The following PRODH2 variants were observed in gnomAD, a reference collection of about 807,000 sequenced individuals.
PRODH2 encodes hydroxyproline dehydrogenase.
A neutral mutation model predicts 51.9 loss-of-function variants in PRODH2; 49 were observed. That is an observed-to-expected ratio of 0.94 (90% CI 0.75 to 1.20). PRODH2 has a LOEUF of 1.20. Ranked by LOEUF, PRODH2 falls within the 50% of genes most tolerant of loss-of-function variation. PRODH2 has a pLI of 0.00. For missense variants in PRODH2, 597 were observed against 610.9 expected, an observed-to-expected ratio of 0.98 and a Z score of 0.24; for synonymous variants, 249 against 260.7, an observed-to-expected ratio of 0.96 and a Z score of 0.43.
chr19:35,812,796 T>C lies in PRODH2; in HGVS notation c.10A>G (p.Thr4Ala), dbSNP rs1055934391. The C allele has an allele frequency of 6.3e-7, 1 of 1,591,510 alleles. No homozygotes were observed. MLR[T>A]CYVLCSQAGP... ...GCTTGGGAACAGAGCACGTAACAGG[T>C]CCGGAGCATCCTGGGTCCCTGGCTG... Residue 4 changes from threonine (T) to alanine (A), a missense_variant, in exon 1 of 10, where the codon ACC becomes GCC. Coordinates refer to ENST00000653904, the MANE Select transcript of PRODH2 (RefSeq NM_021232.2).
Position 35,800,223 on chromosome 19 carries a change from C to A in PRODH2, c.1199-1G>T. On this transcript the variant is annotated splice_acceptor_variant, in intron 9 of 9. Transcript: ENST00000653904. LOFTEE classifies it high-confidence loss of function. ...TTATACACTACATAGCCGGCCTGCC[C>A]TGCAGGGAGAGTGGGTTTTGTTTTT... is the stretch of plus-strand genomic sequence containing the variant. The A allele has an allele frequency of 6.4e-7, 1 of 1,553,798 alleles. No homozygotes were observed. The highest frequency in any genetic ancestry group is 8.7e-7 in the Non-Finnish European group (1 of 1,148,566).
intron 9 of PRODH2, among the ~76,000 whole-genome samples, chr19:35,801,021 G>A (rs1356721085): frequency 6.6e-6 from 1 of 152,134 alleles, no homozygotes; most frequent in African/African-American, 2.4e-5. Flanking sequence ...ACAAAAATTG[G>A]CTGGGCATGG....
At chr19:35,811,033 A>G (rs1972600758) in intron 4 of PRODH2, among the ~76,000 whole-genome samples, 1 of 152,170 alleles carries the variant, frequency 6.6e-6, no homozygotes, top group Non-Finnish European at 1.5e-5. Flanking sequence ...TTTGAAATGC[A>G]CCAAAAAATA....
At chr19:35,801,821 T>G in intron 9 of PRODH2, 1 of 250,670 alleles carries the variant, frequency 4.0e-6, no homozygotes, top group Non-Finnish European at 7.9e-6. Flanking sequence ...AACCCCCTTA[T>G]GTATTTGCAG....
chr19:35,803,193 C>A (rs1972460706), intron 7 of PRODH2, 115 bp from the exon 8 acceptor site: 2 of 568,248 alleles, frequency 3.5e-6, no homozygotes, highest in Non-Finnish European at 5.9e-6. Context: ...TCTGTTCCAT[C>A]TGCACCAGTT....
At chr19:35,801,927 A>C in intron 9 of PRODH2, 1 of 473,610 alleles carries the variant, frequency 2.1e-6, no homozygotes, top group Non-Finnish European at 3.8e-6. Context: ...AGAAGGAAAC[A>C]TTAATTACCT....
intron 9 of PRODH2, among the ~76,000 whole-genome samples, chr19:35,801,326 C>T (rs1182108555): frequency 4.6e-5 from 7 of 151,954 alleles, no homozygotes; most frequent in Admixed American, 6.6e-5. Context: ...ATTAGCTGGG[C>T]GTGGTGGCAG....
chr19:35,807,188 C>T lies in PRODH2; in HGVS notation c.598-67G>A, dbSNP rs184216958. On this transcript the variant is annotated intron_variant, in intron 4 of 9. Coordinates refer to ENST00000653904, the MANE Select transcript of PRODH2 (RefSeq NM_021232.2). ...CTAGAAATCTAAAAATGAGCAATAT[C>T]AGTTAGGTACTATTTATTGAGGGGG... The T allele has an allele frequency of 1.6e-4, 223 of 1,362,910 alleles. 1 individual carries two copies. The highest frequency in any genetic ancestry group is 5.1e-5 in the Non-Finnish European group (50 of 980,306). 84.4% of individuals were successfully genotyped at this position (1,362,910 alleles called of 1,614,324 possible). A position where few individuals can be genotyped will look rare whatever the true frequency, so the allele number is the denominator to read the frequency against.
intron 8 of PRODH2, 98 bp downstream of exon 8, chr19:35,802,870 C>T (rs1170053817): frequency 1.2e-6 from 1 of 855,038 alleles, no homozygotes. Context: ...AAAATTCTCC[C>T]CAGAACACCT....
At chr19:35,806,310 C>T in intron 7 of PRODH2, 120 bp downstream of exon 7, 1 of 1,312,422 alleles carries the variant, frequency 7.6e-7, no homozygotes, top group Non-Finnish European at 1.1e-6. Flanking sequence ...TCTCCAACTC[C>T]TGCTCTCAAG....
At chr19:35,801,335 A>G (rs751970099) in intron 9 of PRODH2, among the ~76,000 whole-genome samples, 10 of 152,000 alleles carry the variant, frequency 6.6e-5, no homozygotes, top group Non-Finnish European at 1.5e-4. Flanking sequence ...GCGTGGTGGC[A>G]GCCGTCTGTA....
At chr19:35,808,025 T>G (rs371047445) in intron 4 of PRODH2, among the ~76,000 whole-genome samples, 1 of 152,140 alleles carries the variant, frequency 6.6e-6, no homozygotes, top group Admixed American at 6.6e-5. Flanking sequence ...TCCTCCCACC[T>G]CAGCCTTCCA....
At chr19:35,810,194 G>A (rs1972586108) in intron 4 of PRODH2, among the ~76,000 whole-genome samples, 5 of 149,512 alleles carry the variant, frequency 3.3e-5, no homozygotes, top group Admixed American at 2.7e-4. Flanking sequence ...GGGAGGCGGA[G>A]GTCGCAGTGA....
intron 4 of PRODH2, among the ~76,000 whole-genome samples, chr19:35,810,801 G>A (rs1202937516): frequency 4.6e-5 from 7 of 152,282 alleles, no homozygotes; most frequent in South Asian, 2.1e-4. Flanking sequence ...GATTACAGGC[G>A]TGAGCCACTG....
chr19:35,807,865 T>A (rs780247871), intron 4 of PRODH2, among the ~76,000 whole-genome samples: 27 of 151,842 alleles, frequency 1.8e-4, no homozygotes, highest in Non-Finnish European at 3.5e-4. Flanking sequence ...AGCCTCCACC[T>A]CCCCAGCTCA....
At chr19:35,801,165 T>A (rs910591963) in intron 9 of PRODH2, among the ~76,000 whole-genome samples, 1 of 151,946 alleles carries the variant, frequency 6.6e-6, no homozygotes, top group Non-Finnish European at 1.5e-5. Flanking sequence ...AGACTCTGTC[T>A]CAAAAACAAA....
chr19:35,812,033 A>C lies in PRODH2; in HGVS notation c.526T>G (p.Trp176Gly). Residue 176 changes from tryptophan (W) to glycine (G), a missense_variant, in exon 4 of 10, where the codon TGG becomes GGG. Trp to Gly is a radical substitution (Grantham distance 184). Transcript: ENST00000653904. ...STRLCKELAS[W>G]VRRPGASLEL... ...AAGGAGGCTCCTGGCCTTCTGACCCACGAGGCTAGCTCCTTCTGAAATGGG... is the reference window on the plus strand; with the variant it reads ...AAGGAGGCTCCTGGCCTTCTGACCCCCGAGGCTAGCTCCTTCTGAAATGGG... 2 of 1,614,124 alleles carry C rather than the reference A, an allele frequency of 1.2e-6. No individual in the cohort carries two copies. Among genetic ancestry groups the C allele is most frequent in the South Asian group, 2.2e-5 (2 of 91,082 alleles).
chr19:35,810,196 T>C (rs1442615655), intron 4 of PRODH2, among the ~76,000 whole-genome samples: 2 of 148,038 alleles, frequency 1.4e-5, no homozygotes, highest in Non-Finnish European at 3.0e-5. Context: ...GAGGCGGAGG[T>C]CGCAGTGAGC....
At chr19:35,806,915 G>C (rs1374378310) in intron 5 of PRODH2, 85 bp from the exon 6 acceptor site, 2 of 1,548,860 alleles carry the variant, frequency 1.3e-6, no homozygotes, top group Non-Finnish European at 1.7e-6. Flanking sequence ...GGTTACCTGT[G>C]CCACCCGATG....
Sources: allele counts gnomAD v4.1 joint callset (sites outside exome capture counted in the v4.1 genomes callset), GRCh38; gene constraint gnomAD v4.1.1; transcripts MANE v1.5; gene names NCBI Gene and HGNC (gene_info 2026-07-23, HGNC 2026-07-21).